The following EYA1 variants were observed in gnomAD, a reference collection of about 807,000 sequenced individuals.
The protein encoded by EYA1 is EYA transcriptional coactivator and phosphatase 1.
In EYA1, 16 loss-of-function variants were observed where a neutral mutation model predicts 82.0. The observed-to-expected ratio is 0.20, with a 90% CI of 0.13 to 0.30. The LOEUF is 0.30. EYA1 is among the 10% of genes least tolerant of loss of function. The pLI, the probability that EYA1 is intolerant of heterozygous loss-of-function variation, is 1.00. For missense variants in EYA1, 633 were observed against 730.7 expected, an observed-to-expected ratio of 0.87 and a Z score of 1.54; for synonymous variants, 261 against 264.4, an observed-to-expected ratio of 0.99 and a Z score of 0.12.
At chr8:71,278,271 C>T (rs62506567) in intron 9 of EYA1, among the ~76,000 whole-genome samples, 7,441 of 152,280 alleles carry the variant, frequency 0.049, 233 homozygotes, top group Middle Eastern at 0.078. Context: ...TCTCAGGCAA[C>T]TCCAACCCTC....
chr8:71,356,522 G>C lies in EYA1; in HGVS notation c.-54-11C>G. On this transcript the variant is annotated splice_polypyrimidine_tract_variant and intron_variant, in intron 1 of 17. Coordinates refer to ENST00000340726, the MANE Select transcript of EYA1 (RefSeq NM_000503.6). The stretch of plus-strand genomic sequence containing the variant: ...TTGAGATGTTTGCACCTGTGATCAG[G>C]GGTAAAAAAATTAGAAGATGTTGTT... The C allele has an allele frequency of 6.4e-7, 1 of 1,564,776 alleles. No individual in the cohort carries two copies. Among genetic ancestry groups the C allele is most frequent in the Non-Finnish European group, 8.7e-7 (1 of 1,154,026 alleles).
intron 3 of EYA1, among the ~76,000 whole-genome samples, chr8:71,354,555 T>C (rs1024255085): frequency 6.6e-6 from 1 of 152,230 alleles, no homozygotes; most frequent in Non-Finnish European, 1.5e-5. Flanking sequence ...TGTGTATATA[T>C]GTATATGCAT....
intron 4 of EYA1, among the ~76,000 whole-genome samples, chr8:71,328,800 C>T (rs929004493): frequency 6.6e-6 from 1 of 152,180 alleles, no homozygotes; most frequent in African/African-American, 2.4e-5. Context: ...TATACATCCA[C>T]TGCTTTTCTC....
At chr8:71,431,046 C>T (rs886289173) in intron 2 of EYA1, among the ~76,000 whole-genome samples, 58 of 152,110 alleles carry the variant, frequency 3.8e-4, no homozygotes, top group Admixed American at 2.3e-3. Flanking sequence ...CTATGTTTGA[C>T]GGCTATAGAT....
At chr8:71,476,165 A>C (rs890788048) in intron 2 of EYA1, among the ~76,000 whole-genome samples, 1 of 152,118 alleles carries the variant, frequency 6.6e-6, no homozygotes, top group African/African-American at 2.4e-5. Flanking sequence ...GATATTCTCC[A>C]AGTCTCAGAA....
chr8:71,544,391 G>T (rs1815387100), intron 1 of EYA1, among the ~76,000 whole-genome samples: 1 of 152,200 alleles, frequency 6.6e-6, no homozygotes, highest in South Asian at 2.1e-4. Flanking sequence ...TCTGGGAACA[G>T]AAACTCACCT....
chr8:71,298,106 A>G (rs1473254042), intron 9 of EYA1, among the ~76,000 whole-genome samples: 2 of 152,192 alleles, frequency 1.3e-5, no homozygotes, highest in Non-Finnish European at 2.9e-5. Flanking sequence ...TCAAAAATTA[A>G]ATTAGCATTT....
chr8:71,438,584 G>A (rs1192852985), intron 2 of EYA1, among the ~76,000 whole-genome samples: 1 of 152,138 alleles, frequency 6.6e-6, no homozygotes, highest in African/African-American at 2.4e-5. Flanking sequence ...GTTGACCAGT[G>A]CAGACGAAAT....
At chr8:71,241,692 T>G (rs1812495040) in intron 12 of EYA1, among the ~76,000 whole-genome samples, 1 of 152,130 alleles carries the variant, frequency 6.6e-6, no homozygotes, top group African/African-American at 2.4e-5. Context: ...TTAAATATAT[T>G]AAAATATTCA....
At chr8:71,546,419 C>A (rs943560959) in intron 1 of EYA1, among the ~76,000 whole-genome samples, 1 of 152,140 alleles carries the variant, frequency 6.6e-6, no homozygotes, top group Non-Finnish European at 1.5e-5. Flanking sequence ...CCTTCATTGA[C>A]CAACATGGAC....
At chr8:71,453,559 A>G (rs916850310) in intron 2 of EYA1, among the ~76,000 whole-genome samples, 1 of 152,244 alleles carries the variant, frequency 6.6e-6, no homozygotes, top group African/African-American at 2.4e-5. Context: ...CCATCAGACT[A>G]ACAGCTGATC....
At chr8:71,476,310 A>C (rs1370024399) in intron 2 of EYA1, among the ~76,000 whole-genome samples, 2 of 152,156 alleles carry the variant, frequency 1.3e-5, no homozygotes, top group Non-Finnish European at 2.9e-5. Flanking sequence ...TGGCCCAGAT[A>C]AATTCTAATT....
intron 1 of EYA1, among the ~76,000 whole-genome samples, chr8:71,357,872 A>C (rs1827036146): frequency 6.6e-6 from 1 of 152,218 alleles, no homozygotes; most frequent in South Asian, 2.1e-4. Context: ...CCGTGATAAC[A>C]ACCTTCTGCG....
chr8:71,234,632 A>G (rs1404924984), intron 12 of EYA1, among the ~76,000 whole-genome samples: 5 of 151,974 alleles, frequency 3.3e-5, no homozygotes, highest in African/African-American at 1.2e-4. Flanking sequence ...TCTCTACCAT[A>G]CAATTCTCTC....
chr8:71,268,844 C>A (rs1395798455), intron 11 of EYA1, among the ~76,000 whole-genome samples: 1 of 152,104 alleles, frequency 6.6e-6, no homozygotes, highest in East Asian at 1.9e-4. Context: ...TTTGTAATAA[C>A]AGTATGTGCA....
At chr8:71,532,310 C>CAG (rs1814345025) in intron 2 of EYA1, among the ~76,000 whole-genome samples, 1 of 152,202 alleles carries the variant, frequency 6.6e-6, no homozygotes, top group African/African-American at 2.4e-5. Flanking sequence ...GCCTTTCCCC[C>CAG]AGAGAGAGAG....
At chr8:71,327,706 T>C (rs1204114826) in intron 4 of EYA1, among the ~76,000 whole-genome samples, 3 of 152,162 alleles carry the variant, frequency 2.0e-5, no homozygotes, top group East Asian at 1.9e-4. Flanking sequence ...TGAGTCACTA[T>C]GTCCTCAAGG....
chr8:71,216,407 G>GCTAATTCTTCGAAGGATA (rs1249733481), intron 14 of EYA1, among the ~76,000 whole-genome samples: 4 of 152,172 alleles, frequency 2.6e-5, no homozygotes, highest in Non-Finnish European at 5.9e-5. Flanking sequence ...TTCGAAGGAT[G>GCTAATTCTTCGAAGGATA]CTAATCCTTC....
At chr8:71,260,136 G>A (rs374624201) in intron 11 of EYA1, among the ~76,000 whole-genome samples, 13 of 152,022 alleles carry the variant, frequency 8.6e-5, no homozygotes, top group African/African-American at 3.1e-4. Flanking sequence ...TGCACATTTA[G>A]CTTTATTTTC....
Sources: gnomAD v4.1 joint callset for allele counts (sites outside exome capture counted in the v4.1 genomes callset) on GRCh38, gnomAD v4.1.1 for gene constraint, MANE v1.5 for transcripts, NCBI Gene and HGNC (gene_info 2026-07-23, HGNC 2026-07-21) for gene names.